ERGIC2: variants seen among roughly 807,000 people sequenced by gnomAD.
ERGIC2 encodes ERGIC and golgi 2, also known as endoplasmic reticulum-Golgi intermediate compartment protein 2.
In ERGIC2, 31 loss-of-function variants were observed where a neutral mutation model predicts 52.5. The ratio of observed to expected loss-of-function variants is 0.59; its 90% CI spans 0.44 to 0.80. The LOEUF is 0.80. Ranked by LOEUF, ERGIC2 falls within the 30% of genes least tolerant of loss-of-function variation. ERGIC2 has a pLI of 0.00. For missense variants in ERGIC2, 395 were observed against 455.2 expected, an observed-to-expected ratio of 0.87 and a Z score of 1.20; for synonymous variants, 129 against 140.6, an observed-to-expected ratio of 0.92 and a Z score of 0.58.
chr12:29,376,219 G>A (rs1215355577), intron 1 of ERGIC2, among the ~76,000 whole-genome samples: 1 of 152,166 alleles, frequency 6.6e-6, no homozygotes, highest in Non-Finnish European at 1.5e-5. Flanking sequence ...ATGAGGAAAT[G>A]AGGCACAGAA....
intron 8 of ERGIC2, among the ~76,000 whole-genome samples, chr12:29,350,804 G>A (rs952379846): frequency 6.6e-6 from 1 of 152,064 alleles, no homozygotes; most frequent in African/African-American, 2.4e-5. Flanking sequence ...TCAAGTATGA[G>A]AATGAGTCCA....
At position 29,345,551 on chromosome 12, in the gene ERGIC2, A is replaced by C. The variant is rs1037429910; in HGVS notation, c.728-11T>G. The stretch of plus-strand genomic sequence containing the variant: ...GGAACATCTGGTTGTCTAGAATACA[A>C]AAAAAACTTTTTATCAATTCAGTAG... On this transcript the variant is annotated splice_polypyrimidine_tract_variant and intron_variant, in intron 10 of 13. Coordinates refer to ENST00000360150, the MANE Select transcript of ERGIC2 (RefSeq NM_016570.3). 1 of 1,468,346 alleles carries C rather than the reference A, an allele frequency of 6.8e-7. No individual in the cohort carries two copies. Among genetic ancestry groups the C allele is most frequent in the African/African-American group, 1.4e-5 (1 of 72,382 alleles). 91.0% of individuals were successfully genotyped at this position (1,468,346 alleles called of 1,614,324 possible).
intron 10 of ERGIC2, 69 bp from the exon 11 acceptor site, chr12:29,345,609 T>A: frequency 2.4e-6 from 2 of 834,130 alleles, no homozygotes; most frequent in Non-Finnish European, 4.1e-6. Context: ...ATTCTTCTAT[T>A]AAACACATTT....
intron 4 of ERGIC2, among the ~76,000 whole-genome samples, chr12:29,367,538 AAAAG>A (rs1251437302): frequency 6.6e-6 from 1 of 151,968 alleles, no homozygotes; most frequent in African/African-American, 2.4e-5. Context: ...AAACATATTG[AAAAG>A]AAAGAGATTC....
At chr12:29,365,514 C>T (rs747191893) in intron 5 of ERGIC2, among the ~76,000 whole-genome samples, 57 of 151,632 alleles carry the variant, frequency 3.8e-4, no homozygotes, top group Non-Finnish European at 7.2e-4. Flanking sequence ...ATGCCCAGTA[C>T]CTGGGTGATG....
intron 7 of ERGIC2, among the ~76,000 whole-genome samples, chr12:29,356,939 G>A (rs1940214672): frequency 6.6e-6 from 1 of 151,744 alleles, no homozygotes. Flanking sequence ...TTATGTTTAT[G>A]ATTATAGCAT....
intron 4 of ERGIC2, among the ~76,000 whole-genome samples, chr12:29,367,493 A>C (rs1343667288): frequency 2.0e-5 from 3 of 151,948 alleles, no homozygotes; most frequent in Non-Finnish European, 4.4e-5. Flanking sequence ...AAAATAAAGT[A>C]TTTTTTTATC....
At chr12:29,361,573 C>A in intron 6 of ERGIC2, 72 bp downstream of exon 6, 3 of 1,143,460 alleles carry the variant, frequency 2.6e-6, no homozygotes, top group Non-Finnish European at 3.8e-6. Flanking sequence ...ATGTGTTAAT[C>A]TATAAATAGT....
chr12:29,369,574 A>G (rs1940410654), intron 3 of ERGIC2, among the ~76,000 whole-genome samples: 1 of 152,030 alleles, frequency 6.6e-6, no homozygotes, highest in African/African-American at 2.4e-5. Flanking sequence ...GTGTCTTCCT[A>G]TTTGGTGCAA....
rs1056887119 is a variant in ERGIC2, at chr12:29,338,511, G to C, written c.*2645C>G. On this transcript the variant is annotated 3_prime_UTR_variant, in exon 14 of 14. Transcript: ENST00000360150. ...GAAAAAGAATTAGCCAGGTTTGTTGGTGCATGGCTGTAGTCCTACCTACTC... is the reference window on the plus strand; with the variant it reads ...GAAAAAGAATTAGCCAGGTTTGTTGCTGCATGGCTGTAGTCCTACCTACTC... The C allele has an allele frequency of 6.6e-6, 1 of 152,064 alleles. No homozygotes were observed. The highest frequency in any genetic ancestry group is 2.4e-5 in the African/African-American group (1 of 41,378). 9.4% of individuals were successfully genotyped at this position (152,064 alleles called of 1,614,324 possible). A position where few individuals can be genotyped will look rare whatever the true frequency, so the allele number is the denominator to read the frequency against.
chr12:29,341,501 G>T (rs879904617), intron 13 of ERGIC2, among the ~76,000 whole-genome samples: 3 of 151,988 alleles, frequency 2.0e-5, no homozygotes, highest in Non-Finnish European at 4.4e-5. Flanking sequence ...CTCCCAAGTA[G>T]CTGGGACTAC....
Position 29,343,231 on chromosome 12 carries a change from TA to T in ERGIC2, c.876del (p.Phe292LeufsTer2). 6.2e-7 allele frequency: 1 copy of T among 1,610,840 alleles called. No individual in the cohort carries two copies. Among genetic ancestry groups the T allele is most frequent in the Non-Finnish European group, 8.5e-7 (1 of 1,177,926 alleles). On this transcript the variant is annotated frameshift_variant, in exon 12 of 14. Transcript: ENST00000360150. LOFTEE classifies it high-confidence loss of function. ...AAGSHGVSGI[F>X]MKYDLSSLMV... is the part of the protein sequence containing the mutation. ...ATAAGAGAACTGAGATCATATTTCA[TA>T]AATATCCCAGAGACTCCATGGCTGC... is the stretch of plus-strand genomic sequence containing the variant.
chr12:29,365,673 TA>T (rs58031563), intron 5 of ERGIC2, among the ~76,000 whole-genome samples: 141,638 of 144,652 alleles, frequency 0.98, 69,331 homozygotes, highest in South Asian at 1. Flanking sequence ...GGCAGAAAAT[TA>T]AAAAAAAAAA....
chr12:29,366,980 T>G (rs891519416), intron 4 of ERGIC2, 33 bp from the exon 5 acceptor site: 1 of 1,451,024 alleles, frequency 6.9e-7, no homozygotes, highest in South Asian at 1.3e-5. Flanking sequence ...AGTTTTACAT[T>G]CTATGCTTGG....
At chr12:29,348,987 G>C in intron 10 of ERGIC2, 92 bp downstream of exon 10, 1 of 620,774 alleles carries the variant, frequency 1.6e-6, no homozygotes, top group Non-Finnish European at 2.8e-6. Flanking sequence ...TCTTTACACA[G>C]TAGTTAGGAA....
intron 13 of ERGIC2, 51 bp from the exon 14 acceptor site, chr12:29,341,269 A>C: frequency 7.1e-7 from 1 of 1,398,664 alleles, no homozygotes; most frequent in Admixed American, 1.9e-5. Context: ...TTTATTCCTT[A>C]TACTCTTTCC....
chr12:29,353,070 C>G (rs1324928432), intron 8 of ERGIC2, among the ~76,000 whole-genome samples: 1 of 152,128 alleles, frequency 6.6e-6, no homozygotes, highest in Non-Finnish European at 1.5e-5. Flanking sequence ...CCTAGTAGGT[C>G]TAAACATTGT....
chr12:29,376,360 T>C (rs1940514636), intron 1 of ERGIC2, among the ~76,000 whole-genome samples: 1 of 152,198 alleles, frequency 6.6e-6, no homozygotes, highest in Non-Finnish European at 1.5e-5. Context: ...ATATTCATAA[T>C]TTGCTTAATG....
intron 8 of ERGIC2, among the ~76,000 whole-genome samples, chr12:29,353,430 T>C (rs1284850395): frequency 1.3e-5 from 2 of 152,172 alleles, no homozygotes; most frequent in African/African-American, 4.8e-5. Flanking sequence ...TGAATATCCC[T>C]TATCCAAAAT....
Sources: allele counts gnomAD v4.1 joint callset (sites outside exome capture counted in the v4.1 genomes callset), GRCh38; gene constraint gnomAD v4.1.1; transcripts MANE v1.5; gene names NCBI Gene and HGNC (gene_info 2026-07-23, HGNC 2026-07-21).